LPP: variants seen among roughly 807,000 people sequenced by gnomAD.
The protein encoded by LPP is LIM domain containing preferred translocation partner in lipoma.
A neutral mutation model predicts 60.4 loss-of-function variants in LPP; 38 were observed. That is an observed-to-expected ratio of 0.63 (90% CI 0.49 to 0.83). LPP has a LOEUF of 0.83. LPP is among the 40% of genes least tolerant of loss of function. The pLI is 0.00. For synonymous variants in LPP, 328 were observed against 290.8 expected (o/e 1.13, Z -1.30); for missense variants, 902 against 783.6 (o/e 1.15, Z -1.80).
chr3:188,642,192 A>G (rs1172577467), intron 7 of LPP, among the ~76,000 whole-genome samples: 1 of 152,052 alleles, frequency 6.6e-6, no homozygotes, highest in African/African-American at 2.4e-5. Context: ...GTAGTCAAGT[A>G]CCCTTCTTCT....
At chr3:188,670,932 G>T (rs1856833650) in intron 7 of LPP, among the ~76,000 whole-genome samples, 1 of 152,110 alleles carries the variant, frequency 6.6e-6, no homozygotes, top group Non-Finnish European at 1.5e-5. Flanking sequence ...TCTGACTTCA[G>T]CTCCGTTGCT....
chr3:188,676,148 A>G (rs1348623637), intron 7 of LPP, among the ~76,000 whole-genome samples: 1 of 152,212 alleles, frequency 6.6e-6, no homozygotes, highest in Non-Finnish European at 1.5e-5. Flanking sequence ...AGCAGTCACC[A>G]CCGTATTCTG....
chr3:188,490,370 A>C (rs1443905923), intron 5 of LPP, among the ~76,000 whole-genome samples: 1 of 152,126 alleles, frequency 6.6e-6, no homozygotes, highest in Non-Finnish European at 1.5e-5. Flanking sequence ...AAGCTCATAT[A>C]TGTGTATGAT....
intron 6 of LPP, among the ~76,000 whole-genome samples, chr3:188,600,686 A>G (rs991109720): frequency 1.3e-5 from 2 of 152,170 alleles, no homozygotes; most frequent in African/African-American, 4.8e-5. Context: ...CATATCCATT[A>G]AACAATAATG....
chr3:188,547,970 A>C (rs1038678614), intron 6 of LPP, among the ~76,000 whole-genome samples: 1 of 152,100 alleles, frequency 6.6e-6, no homozygotes, highest in Non-Finnish European at 1.5e-5. Context: ...CAGTGTGCTT[A>C]TTACCTATGT....
In LPP at chr3:188,508,001, A is replaced by G. The variant is rs567594071; in HGVS notation, c.307-16664A>G. ...GATAAAGAGCCTTTTATGCTAGTAA[A>G]TAAAATGATTTGATCTGTATTTAGA... On this transcript the variant is annotated intron_variant, in intron 5 of 11. Coordinates refer to ENST00000617246, the MANE Select transcript of LPP (RefSeq NM_001375462.1). Among the ~76,000 whole-genome samples, 8 of 152,360 alleles carry G rather than the reference A, an allele frequency of 5.3e-5. No homozygotes were observed. The East Asian group carries it at 1.5e-3, about 29-fold the overall frequency.
chr3:188,819,630 C>T (rs770882847), intron 9 of LPP, among the ~76,000 whole-genome samples: 50 of 151,744 alleles, frequency 3.3e-4, no homozygotes, highest in African/African-American at 1.0e-3. Context: ...ATTTTGAAGA[C>T]GGAGTATGAT....
intron 5 of LPP, among the ~76,000 whole-genome samples, chr3:188,509,673 C>G (rs1814693988): frequency 3.3e-5 from 1 of 30,414 alleles, no homozygotes. Flanking sequence ...TTCCTTCCTT[C>G]CTTCCTTCCT....
intron 4 of LPP, among the ~76,000 whole-genome samples, chr3:188,457,098 G>A (rs781067153): frequency 3.3e-4 from 50 of 152,234 alleles, no homozygotes; most frequent in Non-Finnish European, 6.5e-4. Context: ...AATATACATG[G>A]GTGATAGACA....
At chr3:188,180,843 A>G (rs1291484339) in intron 1 of LPP, 2 of 138,398 alleles carry the variant, frequency 1.4e-5, no homozygotes, top group Non-Finnish European at 3.2e-5. Context: ...ATGCTGTTTC[A>G]TCTTAAGAAT....
At chr3:188,459,305 C>T (rs1436795635) in intron 4 of LPP, among the ~76,000 whole-genome samples, 1 of 151,936 alleles carries the variant, frequency 6.6e-6, no homozygotes, top group East Asian at 1.9e-4. Context: ...AACTTATGTG[C>T]TTAATTTGAA....
chr3:188,661,563 C>T (rs1182718431), intron 7 of LPP, among the ~76,000 whole-genome samples: 2 of 152,126 alleles, frequency 1.3e-5, no homozygotes, highest in African/African-American at 4.8e-5. Context: ...GGCTTATTTG[C>T]TTATTTGCCA....
Position 188,876,155 on chromosome 3 carries a change from T to C in LPP, c.*1676T>C, listed in dbSNP as rs1769231699. 5.3e-6 allele frequency: 1 copy of C among 188,174 alleles called. No individual in the cohort carries two copies. The highest frequency in any genetic ancestry group is 2.3e-5 in the African/African-American group (1 of 42,824). The allele number at this position is 188,174 out of a possible 1,614,324, so 11.7% of individuals were successfully genotyped here. ...TAGTTTTTTTTCTAGTTTTTAATTT[T>C]AACATCAGAACTGAAATAAAAAATT... On this transcript the variant is annotated 3_prime_UTR_variant, in exon 12 of 12. Coordinates refer to ENST00000617246, the MANE Select transcript of LPP (RefSeq NM_001375462.1).
chr3:188,651,503 G>A (rs754308803), intron 7 of LPP, among the ~76,000 whole-genome samples: 1 of 152,212 alleles, frequency 6.6e-6, no homozygotes, highest in Non-Finnish European at 1.5e-5. Flanking sequence ...ATAGTTTGTT[G>A]TGTATATTAG....
At chr3:188,638,674 A>G (rs1416127541) in intron 7 of LPP, among the ~76,000 whole-genome samples, 9 of 148,432 alleles carry the variant, frequency 6.1e-5, no homozygotes, top group Non-Finnish European at 1.2e-4. Context: ...AAGTCTCAGG[A>G]TACAAAATCA....
At chr3:188,346,683 A>C (rs1001345063) in intron 3 of LPP, among the ~76,000 whole-genome samples, 7 of 152,206 alleles carry the variant, frequency 4.6e-5, no homozygotes, top group Non-Finnish European at 1.0e-4. Flanking sequence ...TGAATTTATG[A>C]AATAGTTGGA....
At chr3:188,406,447 T>A in intron 4 of LPP, 134 bp downstream of exon 4, 1 of 794,930 alleles carries the variant, frequency 1.3e-6, no homozygotes, top group South Asian at 1.9e-5. Context: ...CTACTAAAAG[T>A]AAAGGAGCCC....
At chr3:188,367,922 G>A (rs940038725) in intron 3 of LPP, among the ~76,000 whole-genome samples, 1 of 152,268 alleles carries the variant, frequency 6.6e-6, no homozygotes, top group East Asian at 1.9e-4. Context: ...TGGATAGCAT[G>A]ACTTTATTGT....
chr3:188,834,058 T>A (rs532090052), intron 9 of LPP, among the ~76,000 whole-genome samples: 2 of 152,160 alleles, frequency 1.3e-5, no homozygotes, highest in Non-Finnish European at 2.9e-5. Context: ...AGTTTCCTTT[T>A]AAAAACTTAG....
Sources: allele counts gnomAD v4.1 joint callset (sites outside exome capture counted in the v4.1 genomes callset), GRCh38; gene constraint gnomAD v4.1.1; transcripts MANE v1.5; gene names NCBI Gene and HGNC (gene_info 2026-07-23, HGNC 2026-07-21).